TTC34: variants seen among roughly 807,000 people sequenced by gnomAD.
The protein encoded by TTC34 is tetratricopeptide repeat domain 34.
TTC34 carries 44 observed loss-of-function variants against 40.7 expected under a neutral mutation model. The observed-to-expected ratio is 1.08, with a 90% CI of 0.85 to 1.39. The LOEUF is 1.39. Among genes scored for constraint, TTC34 ranks in the 40% most tolerant of loss-of-function variants. TTC34 has a pLI of 0.00. For missense variants in TTC34, 884 were observed against 838.0 expected, an observed-to-expected ratio of 1.05 and a Z score of -0.68; for synonymous variants, 422 against 398.6, an observed-to-expected ratio of 1.06 and a Z score of -0.70.
At chr1:2,671,802 C>T (rs373448216) in intron 6 of TTC34, among the ~76,000 whole-genome samples, 33 of 151,624 alleles carry the variant, frequency 2.2e-4, no homozygotes, top group East Asian at 1.8e-3. Flanking sequence ...CCGAGGTGAG[C>T]ATCTGACCTC....
chr1:2,693,298 AC>A (rs1640711489), intron 6 of TTC34, among the ~76,000 whole-genome samples: 1 of 138,948 alleles, frequency 7.2e-6, no homozygotes, highest in African/African-American at 2.7e-5. Context: ...CTGGAACTGC[AC>A]CCCCATGCCC....
chr1:2,688,348 C>G (rs1165600495), intron 6 of TTC34, among the ~76,000 whole-genome samples: 3 of 141,364 alleles, frequency 2.1e-5, no homozygotes, highest in Non-Finnish European at 4.5e-5. Flanking sequence ...GAGCATCGGA[C>G]AGCCTGGAGC....
In TTC34 at chr1:2,778,142, G is replaced by A. The variant is rs534570600; in HGVS notation, c.2226+5467C>T. Among the ~76,000 whole-genome samples, 15 of 152,370 alleles carry A rather than the reference G, an allele frequency of 9.8e-5. No homozygotes were observed. The East Asian group carries it at 2.9e-3, about 29-fold the overall frequency. On this transcript the variant is annotated intron_variant, in intron 6 of 8. Coordinates refer to ENST00000401095, the Ensembl canonical transcript of TTC34. ...CCCTGGTCCAGCAGCCTGCCCTGCA[G>A]CAGCAAGCATGGCCTCTGGAGGCTG...
chr1:2,643,216 A>AG (rs1557578769), intron 8 of TTC34, among the ~76,000 whole-genome samples: 1 of 152,188 alleles, frequency 6.6e-6, no homozygotes, highest in South Asian at 2.1e-4. Context: ...TGCCACCCGG[A>AG]GGGGGCCGCC....
chr1:2,751,147 A>T (rs1641305792), intron 6 of TTC34, among the ~76,000 whole-genome samples: 1 of 103,234 alleles, frequency 9.7e-6, no homozygotes, highest in Non-Finnish European at 1.8e-5. Flanking sequence ...AGCATCTGAC[A>T]CCCTGGAGCA....
intron 6 of TTC34, among the ~76,000 whole-genome samples, chr1:2,691,098 C>G (rs1404238390): frequency 1.3e-5 from 1 of 76,054 alleles, no homozygotes; most frequent in Non-Finnish European, 3.1e-5. Context: ...GCAGCACCCA[C>G]ACCTTCAGGT....
rs184562534 is a variant in TTC34, at chr1:2,781,938, C to G, written c.2226+1671G>C. On this transcript the variant is annotated intron_variant, in intron 6 of 8. Transcript: ENST00000401095. ...GTTAGTATTTTGTTGAGGATTTTTG[C>G]CTCAATATTCATACGGGATAATGGT... is the stretch of plus-strand genomic sequence containing the variant. Among the ~76,000 whole-genome samples the G allele has an allele frequency of 5.1e-4, 77 of 152,198 alleles. 2 individuals carry two copies. The highest frequency in any genetic ancestry group is 1.7e-3 in the African/African-American group (69 of 41,522).
At chr1:2,637,325 T>A (rs1638814233) in exon 9 of TTC34, 1 of 152,220 alleles carries the variant, frequency 6.6e-6, no homozygotes, top group South Asian at 2.1e-4. Flanking sequence ...ATTTAATTTG[T>A]AGCTTGGCTT....
intron 6 of TTC34, among the ~76,000 whole-genome samples, chr1:2,780,188 C>A (rs1288185310): frequency 6.6e-6 from 1 of 152,166 alleles, no homozygotes; most frequent in Non-Finnish European, 1.5e-5. Flanking sequence ...GGTAATAATT[C>A]CTTATCAGAT....
chr1:2,751,290 C>G (rs1216376671), intron 6 of TTC34, among the ~76,000 whole-genome samples: 2 of 60,664 alleles, frequency 3.3e-5, no homozygotes, highest in African/African-American at 6.7e-5. Context: ...CCCACACACC[C>G]AGGTGAGCAT....
Position 2,687,178 on chromosome 1 carries a change from T to A in TTC34, c.2227-41615A>T, listed in dbSNP as rs1272989036. Among the ~76,000 whole-genome samples the A allele has an allele frequency of 3.6e-5, 5 of 139,438 alleles. No homozygotes were observed. In the East Asian group the frequency reaches 6.3e-4, roughly 18 times the overall value. The allele number at this position is 139,438 out of a possible 152,430, so 91.5% of individuals were successfully genotyped here. A position where few individuals can be genotyped will look rare whatever the true frequency, so the allele number is the denominator to read the frequency against. ...CAGTACCCACACACACAGGCGAGCA[T>A]CTGAACCCACGGAGCAGCACCCACA... On this transcript the variant is annotated intron_variant, in intron 6 of 8. Coordinates refer to ENST00000401095, the Ensembl canonical transcript of TTC34.
At chr1:2,751,317 G>C (rs1471293823) in intron 6 of TTC34, among the ~76,000 whole-genome samples, 1 of 118,628 alleles carries the variant, frequency 8.4e-6, no homozygotes, top group Non-Finnish European at 1.7e-5. Context: ...CCGTGGAGCA[G>C]AACAAACACC....
chr1:2,794,689 A>G (rs1462041863), intron 2 of TTC34, among the ~76,000 whole-genome samples: 1 of 152,150 alleles, frequency 6.6e-6, no homozygotes, highest in African/African-American at 2.4e-5. Context: ...TTTTAAATGG[A>G]AGGCTTCTGA....
Position 2,657,486 on chromosome 1 carries a change from G to C in TTC34, c.2227-11923C>G, listed in dbSNP as rs550180537. Among the ~76,000 whole-genome samples, 34 of 95,292 alleles carry C rather than the reference G, an allele frequency of 3.6e-4. No individual in the cohort carries two copies. In the East Asian group the frequency reaches 5.9e-3, roughly 16 times the overall value. 62.5% of individuals were successfully genotyped at this position (95,292 alleles called of 152,430 possible). ...CCCCAGGCGAGCATCTGACCGAACG[G>C]AGCAGCACCCACAACCCCAGGCGAG... On this transcript the variant is annotated intron_variant, in intron 6 of 8. Coordinates refer to ENST00000401095, the Ensembl canonical transcript of TTC34.
At chr1:2,769,368 C>G (rs1360238589) in intron 6 of TTC34, among the ~76,000 whole-genome samples, 5 of 33,350 alleles carry the variant, frequency 1.5e-4, no homozygotes, top group African/African-American at 9.3e-4. Flanking sequence ...ACCTGACAGC[C>G]TGGAACAGCA....
intron 6 of TTC34, among the ~76,000 whole-genome samples, chr1:2,684,799 C>T (rs901574157): frequency 6.2e-4 from 73 of 117,052 alleles, no homozygotes; most frequent in Middle Eastern, 4.6e-3. Flanking sequence ...ACCCACACCC[C>T]CAGGTGAGCA....
Position 2,644,312 on chromosome 1 carries a change from G to C in TTC34, c.2664C>G (p.Ser888Arg), listed in dbSNP as rs1171818334. 2.0e-6 allele frequency: 3 copies of C among 1,535,694 alleles called. No individual in the cohort carries two copies. The South Asian group carries it at 3.6e-5, about 18-fold the overall frequency. ...AGGCCTCCAGGAGATGCAGCAGGCAGCTGAGATCCGGGGCATCCACCTCGG... is the reference window on the plus strand; with the variant it reads ...AGGCCTCCAGGAGATGCAGCAGGCACCTGAGATCCGGGGCATCCACCTCGG... Residue 888 changes from serine (S) to arginine (R), a missense_variant, in exon 8 of 9, where the codon AGC becomes AGG. By Grantham distance (110) the Ser-to-Arg change is moderately radical. Coordinates refer to ENST00000401095, the Ensembl canonical transcript of TTC34.
chr1:2,751,730 C>A (rs1364038967), intron 6 of TTC34, among the ~76,000 whole-genome samples: 10 of 136,446 alleles, frequency 7.3e-5, no homozygotes, highest in South Asian at 5.0e-4. Context: ...ACCCACACCC[C>A]CAGGTGAGCA....
chr1:2,750,749 C>T (rs1356698826), intron 6 of TTC34, among the ~76,000 whole-genome samples: 1 of 95,708 alleles, frequency 1.0e-5, no homozygotes, highest in Admixed American at 1.2e-4. Flanking sequence ...ATCTGATGGT[C>T]TGGAGCAGCA....
Sources: allele counts gnomAD v4.1 joint callset (sites outside exome capture counted in the v4.1 genomes callset), GRCh38; gene constraint gnomAD v4.1.1; transcripts MANE v1.5; gene names NCBI Gene and HGNC (gene_info 2026-07-23, HGNC 2026-07-21).